The following DYSF variants were observed in gnomAD, a reference collection of about 807,000 sequenced individuals.
DYSF encodes the protein dysferlin.
DYSF carries 212 observed loss-of-function variants against 274.9 expected under a neutral mutation model. The observed-to-expected ratio is 0.77, with a 90% CI of 0.69 to 0.86. DYSF has a LOEUF of 0.86. Among genes scored for constraint, DYSF ranks in the 40% least tolerant of loss-of-function variants. DYSF has a pLI of 0.00. For synonymous variants in DYSF, 1,091 were observed against 1,078.7 expected (o/e 1.01, Z -0.22); for missense variants, 2,666 against 2,783.2 (o/e 0.96, Z 0.95).
In DYSF at chr2:71,501,540, A is replaced by C. The variant is rs12987886; in HGVS notation, c.240-1674A>C. ...CACCTCCAAAATGTTCTCATCTTCT[A>C]AAACTGAAACTCTGTAACTGTTCAA... On this transcript the variant is annotated intron_variant, in intron 3 of 55. Transcript: ENST00000410020. 2.9e-3 allele frequency among the ~76,000 whole-genome samples: 436 copies of C among 152,296 alleles called. 3 individuals are homozygous for C. The highest frequency in any genetic ancestry group is 4.7e-3 in the Non-Finnish European group (320 of 68,024).
intron 52 of DYSF, 106 bp downstream of exon 52, chr2:71,674,402 G>C: frequency 9.2e-7 from 1 of 1,089,952 alleles, no homozygotes; most frequent in South Asian, 1.3e-5. Flanking sequence ...AGCAGGAGGA[G>C]TGATCCCACT....
chr2:71,623,338 A>T (rs1478300809), intron 41 of DYSF, among the ~76,000 whole-genome samples: 1 of 79,322 alleles, frequency 1.3e-5, no homozygotes. Context: ...CCCCCACCCC[A>T]CAACAGTCCC....
At chr2:71,545,680 A>C (rs2090412602) in intron 17 of DYSF, among the ~76,000 whole-genome samples, 1 of 152,134 alleles carries the variant, frequency 6.6e-6, no homozygotes, top group Non-Finnish European at 1.5e-5. Context: ...GTGGGGGCAC[A>C]CTGTGGCATT....
At chr2:71,462,018 G>A (rs147138970), upstream of DYSF, among the ~76,000 whole-genome samples, 589 of 152,276 alleles carry the variant, frequency 3.9e-3, 4 homozygotes, top group Middle Eastern at 0.017. Context: ...GGATCCTAAG[G>A]GTGTTGCTTT....
intron 1 of DYSF, among the ~76,000 whole-genome samples, chr2:71,473,245 A>G (rs2082162955): frequency 6.6e-6 from 1 of 152,220 alleles, no homozygotes; most frequent in Non-Finnish European, 1.5e-5. Flanking sequence ...ACCAAGAGGT[A>G]ATACAGGCCT....
chr2:71,686,500 C>G lies in DYSF; in HGVS notation c.*8C>G, dbSNP rs1434374776. On this transcript the variant is annotated 3_prime_UTR_variant, in exon 56 of 56. Coordinates refer to ENST00000410020, the MANE Select transcript of DYSF (RefSeq NM_001130987.2). ...GTGAAGCCCTTCAGCTGAGGACTCTCCTGCCCTGTAGAAGGGGCCGTGGGG... is the reference window on the plus strand; with the variant it reads ...GTGAAGCCCTTCAGCTGAGGACTCTGCTGCCCTGTAGAAGGGGCCGTGGGG... 3.7e-6 allele frequency: 6 copies of G among 1,613,992 alleles called. No individual in the cohort carries two copies. The highest frequency in any genetic ancestry group is 5.1e-6 in the Non-Finnish European group (6 of 1,180,026).
chr2:71,582,575 C>A (rs1558534243), intron 30 of DYSF, among the ~76,000 whole-genome samples: 1 of 152,110 alleles, frequency 6.6e-6, no homozygotes. Context: ...CCCAGCAAAG[C>A]CTATAGTGAA....
At chr2:71,528,213 G>A in intron 13 of DYSF, 85 bp from the exon 14 acceptor site, 1 of 1,243,834 alleles carries the variant, frequency 8.0e-7, no homozygotes, top group Non-Finnish European at 1.2e-6. Context: ...GTAGTCCCAG[G>A]ACTGCCTGGA....
At chr2:71,521,655 C>G (rs1305918104) in intron 12 of DYSF, among the ~76,000 whole-genome samples, 2 of 152,052 alleles carry the variant, frequency 1.3e-5, no homozygotes, top group African/African-American at 4.8e-5. Context: ...AGGACAGGGC[C>G]CCTGGGGTCT....
At chr2:71,667,589 C>A in intron 48 of DYSF, 74 bp downstream of exon 48, 1 of 1,592,502 alleles carries the variant, frequency 6.3e-7, no homozygotes, top group Admixed American at 1.7e-5. Flanking sequence ...ACATGGATAT[C>A]CCAGAGGAGC....
upstream of DYSF, among the ~76,000 whole-genome samples, chr2:71,461,990 C>T (rs571262827): frequency 6.6e-6 from 1 of 152,318 alleles, no homozygotes; most frequent in African/African-American, 2.4e-5. Flanking sequence ...GGCATATAGA[C>T]TATACAACTC....
At chr2:71,596,951 C>T (rs1049578969) in intron 32 of DYSF, among the ~76,000 whole-genome samples, 2 of 152,194 alleles carry the variant, frequency 1.3e-5, no homozygotes, top group Admixed American at 6.5e-5. Flanking sequence ...CTGCTCTCTC[C>T]ATCCCTTGAT....
intron 1 of DYSF, among the ~76,000 whole-genome samples, chr2:71,454,847 G>T (rs970235663): frequency 1.3e-5 from 2 of 152,072 alleles, no homozygotes; most frequent in African/African-American, 4.8e-5. Flanking sequence ...GCTGAGGGCT[G>T]GGCCCTGGCT....
intron 1 of DYSF, among the ~76,000 whole-genome samples, chr2:71,472,185 G>A (rs905367532): frequency 6.6e-6 from 1 of 152,104 alleles, no homozygotes; most frequent in Admixed American, 6.6e-5. Context: ...GCATATTCTG[G>A]TGACTACATC....
At position 71,611,604 on chromosome 2, in the gene DYSF, T is replaced by C. The variant is rs770896149; in HGVS notation, c.4199T>C (p.Ile1400Thr). ...CTCCGGAAGAACCCCAACTTTGACA[T>C]CTGCACCCTCTTCATGGAAGTGGTG... ...RNLRKNPNFDICTLFMEVMLP... is the reference protein window; with the variant it reads ...RNLRKNPNFDTCTLFMEVMLP... The change falls in exon 38 of 56, where the codon ATC becomes ACC. Residue 1400 changes from isoleucine to threonine, a missense_variant. By Grantham distance (89) the Ile-to-Thr change is moderately conservative. This residue lies in a region of DYSF where 1,460 missense variants were observed against 1,502.1 expected (regional missense o/e 0.97). Coordinates refer to ENST00000410020, the MANE Select transcript of DYSF (RefSeq NM_001130987.2). 2.5e-6 allele frequency: 4 copies of C among 1,613,934 alleles called. No individual in the cohort carries two copies. Among genetic ancestry groups the C allele is most frequent in the Non-Finnish European group, 3.4e-6 (4 of 1,179,974 alleles).
In DYSF at chr2:71,615,471, C is replaced by T. The variant is rs188392820; in HGVS notation, c.4464+2061C>T. 1.4e-3 allele frequency among the ~76,000 whole-genome samples: 214 copies of T among 152,320 alleles called. No homozygotes were observed. Among genetic ancestry groups the T allele is most frequent in the African/African-American group, 5.1e-3 (210 of 41,580 alleles). On this transcript the variant is annotated intron_variant, in intron 40 of 55. Coordinates refer to ENST00000410020, the MANE Select transcript of DYSF (RefSeq NM_001130987.2). The surrounding 1 kb of genome is among the most constrained non-coding windows in gnomAD (Gnocchi z 4.9). ...GATGAAAGAGACAAAACTCTGTTCT[C>T]AAAAGCCTCAAACCCAGCAGGGAGA...
intron 9 of DYSF, among the ~76,000 whole-genome samples, chr2:71,516,638 C>T (rs1358143628): frequency 6.6e-6 from 1 of 152,176 alleles, no homozygotes; most frequent in Non-Finnish European, 1.5e-5. Flanking sequence ...GACTGAGATT[C>T]TCTTTCTCTC....
At chr2:71,571,805 C>A (rs1438141635) in intron 29 of DYSF, among the ~76,000 whole-genome samples, 49 of 115,206 alleles carry the variant, frequency 4.3e-4, no homozygotes, top group South Asian at 6.0e-4. Flanking sequence ...GCACACACAG[C>A]TCACACCCAG....
Position 71,665,417 on chromosome 2 carries a change from G to C in DYSF, c.5317+113G>C, listed in dbSNP as rs548201776. The C allele has an allele frequency of 3.0e-4, 418 of 1,407,040 alleles. 1 individual carries two copies. In the African/African-American group the frequency reaches 5.2e-3, roughly 18 times the overall value. The allele number at this position is 1,407,040 out of a possible 1,614,324, so 87.2% of individuals were successfully genotyped here. A position where few individuals can be genotyped will look rare whatever the true frequency, so the allele number is the denominator to read the frequency against. On this transcript the variant is annotated intron_variant, in intron 47 of 55. Coordinates refer to ENST00000410020, the MANE Select transcript of DYSF (RefSeq NM_001130987.2). ...AAGCGGACATAACCCACAGCAGCAG[G>C]CTGTGGGTCTCTCCAGGGCAGCACA...
Sources: allele counts gnomAD v4.1 joint callset (sites outside exome capture counted in the v4.1 genomes callset), GRCh38; gene constraint gnomAD v4.1.1; regional missense constraint gnomAD v4.1.1; non-coding constraint Gnocchi (gnomAD v3.1); transcripts MANE v1.5; gene names NCBI Gene and HGNC (gene_info 2026-07-23, HGNC 2026-07-21).